Variants in M1AP observed in about 807,000 individuals in gnomAD.
M1AP encodes meiosis 1 arrest protein.
In M1AP, 39 loss-of-function variants were observed where a neutral mutation model predicts 51.2. That is an observed-to-expected ratio of 0.76 (90% CI 0.59 to 1.00). M1AP has a LOEUF of 1.00. M1AP is among the 50% of genes least tolerant of loss of function. The pLI, the probability that M1AP is intolerant of heterozygous loss-of-function variation, is 0.00. For missense variants in M1AP, 545 were observed against 641.2 expected (o/e 0.85, Z 1.62); for synonymous variants, 251 against 249.2 (o/e 1.01, Z -0.07).
intron 2 of M1AP, among the ~76,000 whole-genome samples, chr2:74,631,466 A>G (rs777458173): frequency 2.0e-4 from 30 of 152,072 alleles, no homozygotes; most frequent in Non-Finnish European, 3.7e-4. Context: ...TTATTATATT[A>G]TCTTTCTTGG....
Position 74,558,772 on chromosome 2 carries a change from A to C in M1AP, c.1537T>G (p.Ser513Ala). 6.2e-7 allele frequency: 1 copy of C among 1,612,190 alleles called. No homozygotes were observed. Among genetic ancestry groups the C allele is most frequent in the Non-Finnish European group, 8.5e-7 (1 of 1,179,330 alleles). The part of the protein sequence containing the change: ...ASKMPAASKS[S>A]SDAFFLPSEW... The stretch of plus-strand genomic sequence containing the variant: ...GAAGGCAGGAAGAAGGCATCTGAGG[A>C]AGATTTGCTGGCTGCTGGCATCTTG... The change falls in exon 11 of 11, where the codon TCC becomes GCC. Residue 513 changes from serine (S) to alanine (A), a missense_variant. Transcript: ENST00000421985.
rs768465839 is a variant in M1AP at position 74,576,568 on chromosome 2, C to T, written c.820G>A (p.Ala274Thr). The T allele has an allele frequency of 6.2e-6, 10 of 1,614,068 alleles. No individual in the cohort carries two copies. Among genetic ancestry groups the T allele is most frequent in the East Asian group, 2.2e-5 (1 of 44,888 alleles). ...QERLLCPSLL[A>T]GTADGSLRMD... ...CTCAAGGAGCCGTCAGCTGTGCCAG[C>T]GAGTAGGGATGGGCAGAGCAGTCGC... Residue 274 changes from alanine (A) to threonine (T), a missense_variant, in exon 6 of 11, where the codon GCT (alanine) becomes ACT (threonine). Ala to Thr is a moderately conservative substitution (Grantham distance 58). Coordinates refer to ENST00000421985, the MANE Select transcript of M1AP (RefSeq NM_001321739.2).
At chr2:74,597,179 A>G (rs1220778538) in intron 4 of M1AP, among the ~76,000 whole-genome samples, 1 of 152,232 alleles carries the variant, frequency 6.6e-6, no homozygotes, top group Non-Finnish European at 1.5e-5. Flanking sequence ...TAGATTTTCT[A>G]CTGAACTCAA....
chr2:74,569,605 C>T (rs1401666966), intron 7 of M1AP, among the ~76,000 whole-genome samples: 2 of 151,972 alleles, frequency 1.3e-5, no homozygotes, highest in Non-Finnish European at 2.9e-5. Context: ...GAACTCCTAA[C>T]CTCAGTTGAT....
rs1383605306 is a variant in M1AP at position 74,615,056 on chromosome 2, G to A, written c.334C>T (p.Leu112=). ...EGCFRSQGAS[L]RLAVEDGLQQ... is the part of the protein sequence containing the mutation. ...AGCCCATCCTCTACTGCCAGCCGCA[G>A]AGAAGCACCTTGTGATCTGAAACAC... The change falls in exon 3 of 11, where the codon CTG becomes TTG. Residue 112 remains leucine, a synonymous_variant. Transcript: ENST00000421985. 6.2e-7 allele frequency: 1 copy of A among 1,614,178 alleles called. No homozygotes were observed. Among genetic ancestry groups the A allele is most frequent in the Non-Finnish European group, 8.5e-7 (1 of 1,180,022 alleles).
chr2:74,615,194 G>C (rs760545392), intron 2 of M1AP, 45 bp from the exon 3 acceptor site: 23 of 1,541,548 alleles, frequency 1.5e-5, no homozygotes, highest in Non-Finnish European at 1.8e-5. Flanking sequence ...TAGGGACCAG[G>C]TTTCAGATTA....
At chr2:74,637,064 CT>C (rs916436093) in intron 2 of M1AP, among the ~76,000 whole-genome samples, 7 of 152,138 alleles carry the variant, frequency 4.6e-5, no homozygotes, top group African/African-American at 1.7e-4. Context: ...CCTTTGGAGA[CT>C]TTAATTACAC....
chr2:74,590,024 A>T (rs1451062208), intron 4 of M1AP, among the ~76,000 whole-genome samples: 1 of 152,230 alleles, frequency 6.6e-6, no homozygotes, highest in African/African-American at 2.4e-5. Flanking sequence ...TTGCATTCAA[A>T]GCCGTCCTGG....
chr2:74,625,899 C>T (rs955055382), intron 2 of M1AP, among the ~76,000 whole-genome samples: 3 of 152,248 alleles, frequency 2.0e-5, no homozygotes, highest in African/African-American at 2.4e-5. Flanking sequence ...GTGGCCATCT[C>T]AATGCTACTG....
chr2:74,570,514 T>C (rs1282649595), intron 7 of M1AP, among the ~76,000 whole-genome samples: 1 of 152,172 alleles, frequency 6.6e-6, no homozygotes, highest in Non-Finnish European at 1.5e-5. Flanking sequence ...TAAAAACCTA[T>C]TTGAAATATG....
intron 4 of M1AP, among the ~76,000 whole-genome samples, chr2:74,603,770 G>A (rs1343991057): frequency 6.6e-6 from 1 of 152,114 alleles, no homozygotes; most frequent in Non-Finnish European, 1.5e-5. Context: ...GCATGATGGT[G>A]GAAGGATCCA....
chr2:74,618,874 T>C, intron 2 of M1AP: 1 of 507,634 alleles, frequency 2.0e-6, no homozygotes, highest in Non-Finnish European at 4.0e-6. Flanking sequence ...CTAGCTGTCA[T>C]TGTTCAGTCT....
chr2:74,580,043 C>T (rs1199486574), intron 5 of M1AP, among the ~76,000 whole-genome samples: 1 of 152,142 alleles, frequency 6.6e-6, no homozygotes, highest in African/African-American at 2.4e-5. Flanking sequence ...CTGGCTTCAA[C>T]GGATCCTCCC....
chr2:74,562,134 C>T (rs941342785), intron 8 of M1AP, 83 bp downstream of exon 8: 6 of 1,519,002 alleles, frequency 3.9e-6, no homozygotes, highest in African/African-American at 1.4e-5. Context: ...TCCATTCCCT[C>T]ATGGGCTCAC....
intron 2 of M1AP, 199 bp from the exon 3 acceptor site, chr2:74,615,348 C>T (rs953246721): frequency 2.0e-5 from 11 of 556,942 alleles, no homozygotes; most frequent in African/African-American, 1.5e-4. Flanking sequence ...GGAAAATTTG[C>T]AGCCATAAAG....
chr2:74,635,558 G>A (rs140993277), intron 2 of M1AP, among the ~76,000 whole-genome samples: 212 of 152,018 alleles, frequency 1.4e-3, no homozygotes, highest in African/African-American at 5.0e-3. Flanking sequence ...CTTGAGGTGG[G>A]AGTTTATATT....
chr2:74,636,772 C>T (rs1412472036), intron 2 of M1AP, among the ~76,000 whole-genome samples: 1 of 151,982 alleles, frequency 6.6e-6, no homozygotes, highest in Non-Finnish European at 1.5e-5. Flanking sequence ...ATATAATTGT[C>T]TTAGGTATTT....
In M1AP at chr2:74,560,195, G is replaced by A. The variant is rs774626262; in HGVS notation, c.1378C>T (p.Gln460Ter). 3.1e-6 allele frequency: 5 copies of A among 1,614,022 alleles called. No homozygotes were observed. Among genetic ancestry groups the A allele is most frequent in the Non-Finnish European group, 4.2e-6 (5 of 1,180,006 alleles). ...SHLSSIYAKP[Q>*]GRLHPHWESR... ...TCCCAGTGTGGGTGGAGCCGCCCCT[G>A]AGGCTTGGCATAGATGCTGCTCAGG... Residue 460 changes from glutamine to a stop codon, truncating the protein, a stop_gained, in exon 9 of 11, where the codon CAG (glutamine) becomes TAG (stop). Transcript: ENST00000421985. LOFTEE classifies it high-confidence loss of function.
intron 4 of M1AP, among the ~76,000 whole-genome samples, chr2:74,606,121 C>T (rs1045663280): frequency 6.6e-5 from 10 of 152,216 alleles, no homozygotes; most frequent in Non-Finnish European, 1.5e-5. Flanking sequence ...GAGGTCTCCA[C>T]TATGGAGTGG....
Sources: allele counts gnomAD v4.1 joint callset (sites outside exome capture counted in the v4.1 genomes callset), GRCh38; gene constraint gnomAD v4.1.1; transcripts MANE v1.5; gene names NCBI Gene and HGNC (gene_info 2026-07-23, HGNC 2026-07-21).